The following AKAP13 variants were observed in gnomAD, a reference collection of about 807,000 sequenced individuals.
The protein encoded by AKAP13 is A-kinase anchoring protein 13.
AKAP13 carries 80 observed loss-of-function variants against 264.5 expected under a neutral mutation model. That is an observed-to-expected ratio of 0.30 (90% CI 0.25 to 0.36). The LOEUF is 0.36. Among genes scored for constraint, AKAP13 ranks in the 10% least tolerant of loss-of-function variants. AKAP13 has a pLI of 1.00. For missense variants in AKAP13, 3,712 were observed against 3,435.2 expected, an observed-to-expected ratio of 1.08 and a Z score of -2.01; for synonymous variants, 1,380 against 1,250.2, an observed-to-expected ratio of 1.10 and a Z score of -2.19.
chr15:85,611,887 A>G (rs2080646155), intron 8 of AKAP13, among the ~76,000 whole-genome samples: 1 of 152,070 alleles, frequency 6.6e-6, no homozygotes, highest in Non-Finnish European at 1.5e-5. Context: ...CACCATCCAC[A>G]CATATACACC....
At chr15:85,738,093 T>C (rs2088673020) in intron 33 of AKAP13, among the ~76,000 whole-genome samples, 1 of 152,124 alleles carries the variant, frequency 6.6e-6, no homozygotes, top group South Asian at 2.1e-4. Flanking sequence ...GTTACTTCTG[T>C]TTATTAAGAA....
At position 85,675,014 on chromosome 15, in the gene AKAP13, A is replaced by G. The variant is rs566590468; in HGVS notation, c.5101+5184A>G. On this transcript the variant is annotated intron_variant, in intron 14 of 36. Coordinates refer to ENST00000394518, the MANE Select transcript of AKAP13 (RefSeq NM_007200.5). ...ATGTTCATTAAATGCATATATAAAT[A>G]TAAACTTTAATTCAATTACCTTGTA... Among the ~76,000 whole-genome samples the G allele has an allele frequency of 4.6e-5, 7 of 152,330 alleles. No homozygotes were observed. In the East Asian group the frequency reaches 9.6e-4, roughly 21 times the overall value.
chr15:85,514,340 A>G lies in AKAP13; in HGVS notation c.34-7088A>G, dbSNP rs141133859. Among the ~76,000 whole-genome samples the G allele has an allele frequency of 1.5e-3, 205 of 137,698 alleles. 52 individuals are homozygous for G. Among genetic ancestry groups the G allele is most frequent in the African/African-American group, 5.8e-3 (199 of 34,082 alleles). The allele number at this position is 137,698 out of a possible 152,430, so 90.3% of individuals were successfully genotyped here. On this transcript the variant is annotated intron_variant, in intron 2 of 36. Transcript: ENST00000394518. Reference sequence around the variant, plus strand: ...TGTTTATAATTTATTGCTGTTCTTGATTGTGTAGTCTTTAAATTGTCCCAG... The same window carrying G: ...TGTTTATAATTTATTGCTGTTCTTGGTTGTGTAGTCTTTAAATTGTCCCAG...
intron 1 of AKAP13, among the ~76,000 whole-genome samples, chr15:85,439,161 A>T (rs907211730): frequency 1.3e-5 from 2 of 152,104 alleles, no homozygotes; most frequent in African/African-American, 4.8e-5. Context: ...TGGGCGAAGG[A>T]CATGAACAGA....
At chr15:85,619,996 C>T (rs760165242) in intron 8 of AKAP13, 125 of 1,507,750 alleles carry the variant, frequency 8.3e-5, no homozygotes, top group Admixed American at 1.4e-4. Flanking sequence ...ACCACCTAAC[C>T]GTGAGAAATT....
At chr15:85,421,619 CTTT>C (rs199986687) in intron 1 of AKAP13, among the ~76,000 whole-genome samples, 1 of 151,890 alleles carries the variant, frequency 6.6e-6, no homozygotes. Context: ...AACTTTGTAT[CTTT>C]TTTTTTCTTT....
chr15:85,696,892 T>G (rs538443705), intron 17 of AKAP13, among the ~76,000 whole-genome samples: 1 of 152,244 alleles, frequency 6.6e-6, no homozygotes, highest in South Asian at 2.1e-4. Flanking sequence ...ACATCCATGA[T>G]GAAGGGCCTT....
chr15:85,744,114 C>G (rs1361450166), intron 36 of AKAP13: 1 of 416,902 alleles, frequency 2.4e-6, no homozygotes, highest in Non-Finnish European at 4.3e-6. Context: ...TTCAAGTCCT[C>G]CTTGCCTTTC....
In AKAP13 at chr15:85,727,036, TC is replaced by T. The variant is rs751383289; in HGVS notation, c.6823-29del. 3.1e-6 allele frequency: 5 copies of T among 1,612,508 alleles called. No homozygotes were observed. The African/African-American group carries it at 5.3e-5, about 17-fold the overall frequency. ...TCAGAGTTAGAATATTGTATATGTA[TC>T]TTTTATTTGCCCTCTTCCCTTTTTC... On this transcript the variant is annotated intron_variant, in intron 27 of 36. Coordinates refer to ENST00000394518, the MANE Select transcript of AKAP13 (RefSeq NM_007200.5). The surrounding 1 kb of genome is among the most constrained non-coding windows in gnomAD (Gnocchi z 5.3).
At chr15:85,653,700 A>T (rs2082971773) in intron 10 of AKAP13, among the ~76,000 whole-genome samples, 1 of 152,194 alleles carries the variant, frequency 6.6e-6, no homozygotes, top group African/African-American at 2.4e-5. Context: ...CCTTAATTAA[A>T]ACATTGAGTA....
chr15:85,738,448 A>T (rs1425357287), intron 33 of AKAP13, among the ~76,000 whole-genome samples: 1 of 152,132 alleles, frequency 6.6e-6, no homozygotes, highest in African/African-American at 2.4e-5. Context: ...TAAGCCTGGT[A>T]ATTAAGATTT....
chr15:85,616,724 C>T (rs756558422), intron 8 of AKAP13, among the ~76,000 whole-genome samples: 1 of 152,188 alleles, frequency 6.6e-6, no homozygotes. Flanking sequence ...AAAATCCTGG[C>T]AGAATTACTG....
chr15:85,730,581 A>T lies in AKAP13; in HGVS notation c.7156A>T (p.Met2386Leu). The change falls in exon 30 of 37, where the codon ATG (methionine) becomes TTG (leucine). Residue 2386 changes from methionine to leucine, a missense_variant. Met to Leu is a conservative substitution (Grantham distance 15). Transcript: ENST00000394518. ...AGAGAAGGAGATGATTTTCCGGGACATGGCTGAGTGCAGCACCCCTCTCCC... is the reference window on the plus strand; with the variant it reads ...AGAGAAGGAGATGATTTTCCGGGACTTGGCTGAGTGCAGCACCCCTCTCCC... Reference protein sequence around the residue: ...LEEKEMIFRDMAECSTPLPED... With the variant: ...LEEKEMIFRDLAECSTPLPED... 6.2e-7 allele frequency: 1 copy of T among 1,614,212 alleles called. No homozygotes were observed. Among genetic ancestry groups the T allele is most frequent in the Non-Finnish European group, 8.5e-7 (1 of 1,180,030 alleles).
intron 1 of AKAP13, among the ~76,000 whole-genome samples, chr15:85,419,884 T>C (rs2072432430): frequency 1.3e-5 from 2 of 151,566 alleles, no homozygotes; most frequent in African/African-American, 2.4e-5. Context: ...GGCACACCTT[T>C]CATATTCATC....
chr15:85,595,211 C>T (rs984118585), intron 8 of AKAP13, among the ~76,000 whole-genome samples: 2 of 152,004 alleles, frequency 1.3e-5, no homozygotes, highest in Admixed American at 1.3e-4. Flanking sequence ...GTGATACTCC[C>T]ACCTCAGCCT....
chr15:85,659,916 T>C lies in AKAP13; in HGVS notation c.4799+1326T>C, dbSNP rs186288389. 3.0e-4 allele frequency among the ~76,000 whole-genome samples: 46 copies of C among 152,338 alleles called. No individual in the cohort carries two copies. The East Asian group carries it at 8.3e-3, about 27-fold the overall frequency. On this transcript the variant is annotated intron_variant, in intron 12 of 36. Coordinates refer to ENST00000394518, the MANE Select transcript of AKAP13 (RefSeq NM_007200.5). Reference sequence around the variant, plus strand: ...ACAAATCTCAAAGCCAAAGAACTACTAAATATTATCCCTACTAATTGAGGA... The same window carrying C: ...ACAAATCTCAAAGCCAAAGAACTACCAAATATTATCCCTACTAATTGAGGA...
chr15:85,546,829 T>C (rs1596489295), intron 5 of AKAP13, among the ~76,000 whole-genome samples: 1 of 152,020 alleles, frequency 6.6e-6, no homozygotes, highest in East Asian at 1.9e-4. Context: ...CTGCAGCCTC[T>C]GCCTCCCAGG....
At chr15:85,687,141 TA>T (rs1027764538) in intron 16 of AKAP13, among the ~76,000 whole-genome samples, 1 of 152,142 alleles carries the variant, frequency 6.6e-6, no homozygotes, top group African/African-American at 2.4e-5. Context: ...CCCTGACCTT[TA>T]AAAAAGTCTC....
chr15:85,726,471 C>T lies in AKAP13; in HGVS notation c.6807C>T (p.Tyr2269=). The T allele has an allele frequency of 6.2e-7, 1 of 1,612,378 alleles. No individual in the cohort carries two copies. ...LVFLQEKDQK[Y]IFASLDQKST... ...TCCTTCAAGAAAAAGACCAGAAGTA[C>T]ATCTTTGCATCATTGGTAAGCTGAA... The change falls in exon 27 of 37, where the codon TAC becomes TAT. Residue 2269 remains tyrosine, a synonymous_variant. Coordinates refer to ENST00000394518, the MANE Select transcript of AKAP13 (RefSeq NM_007200.5).
Sources: allele counts gnomAD v4.1 joint callset (sites outside exome capture counted in the v4.1 genomes callset), GRCh38; gene constraint gnomAD v4.1.1; non-coding constraint Gnocchi (gnomAD v3.1); transcripts MANE v1.5; gene names NCBI Gene and HGNC (gene_info 2026-07-23, HGNC 2026-07-21).